Variants in ARHGAP44 observed in about 807,000 individuals in gnomAD.
The protein encoded by ARHGAP44 is Rho GTPase activating protein 44, also known as rho GTPase-activating protein 44.
A neutral mutation model predicts 106.8 loss-of-function variants in ARHGAP44; 43 were observed. That is an observed-to-expected ratio of 0.40 (90% CI 0.32 to 0.52). The LOEUF (loss-of-function observed/expected upper bound fraction) is 0.52. Among genes scored for constraint, ARHGAP44 ranks in the 20% least tolerant of loss-of-function variants. The pLI is 0.48. For synonymous variants in ARHGAP44, 439 were observed against 410.3 expected, an observed-to-expected ratio of 1.07 and a Z score of -0.85; for missense variants, 866 against 1,050.5, an observed-to-expected ratio of 0.82 and a Z score of 2.43.
chr17:12,835,359 T>A (rs2035206678), intron 1 of ARHGAP44, among the ~76,000 whole-genome samples: 1 of 152,132 alleles, frequency 6.6e-6, no homozygotes, highest in Non-Finnish European at 1.5e-5. Context: ...TCAAACAAGA[T>A]GACTAATAAG....
At chr17:12,925,616 T>C (rs891480333) in intron 6 of ARHGAP44, among the ~76,000 whole-genome samples, 7 of 152,188 alleles carry the variant, frequency 4.6e-5, no homozygotes, top group African/African-American at 1.4e-4. Context: ...TCCCAAGGCT[T>C]CATTAAAGCT....
At chr17:12,818,107 A>T (rs890986672) in intron 1 of ARHGAP44, among the ~76,000 whole-genome samples, 5 of 152,000 alleles carry the variant, frequency 3.3e-5, no homozygotes, top group Non-Finnish European at 7.4e-5. Flanking sequence ...TTCACAAATC[A>T]AATGCAGCAA....
chr17:12,854,721 G>C (rs995906229), intron 1 of ARHGAP44, among the ~76,000 whole-genome samples: 3 of 152,150 alleles, frequency 2.0e-5, no homozygotes, highest in African/African-American at 7.2e-5. Context: ...CACTTTGGAA[G>C]GCTGAGGCGG....
intron 9 of ARHGAP44, among the ~76,000 whole-genome samples, 166 bp from the exon 10 acceptor site, chr17:12,943,903 C>G (rs926879014): frequency 1.5e-4 from 23 of 152,112 alleles, no homozygotes; most frequent in Non-Finnish European, 2.8e-4. Flanking sequence ...TCCCCCACCC[C>G]CTCCTCCAGT....
At chr17:12,849,189 G>A (rs935975287) in intron 1 of ARHGAP44, among the ~76,000 whole-genome samples, 1 of 151,228 alleles carries the variant, frequency 6.6e-6, no homozygotes, top group African/African-American at 2.4e-5. Flanking sequence ...GGGTCTGCAC[G>A]CCAGAGATCT....
chr17:12,928,122 T>C (rs1732536798), intron 6 of ARHGAP44, among the ~76,000 whole-genome samples: 1 of 152,218 alleles, frequency 6.6e-6, no homozygotes, highest in Non-Finnish European at 1.5e-5. Context: ...CCTAAAGTTT[T>C]CTGAGTGACT....
At chr17:12,913,924 G>A (rs1451793112) in intron 4 of ARHGAP44, among the ~76,000 whole-genome samples, 3 of 131,970 alleles carry the variant, frequency 2.3e-5, no homozygotes, top group Non-Finnish European at 4.7e-5. Context: ...AGCCAAGTAC[G>A]CGTCACTGCA....
intron 7 of ARHGAP44, among the ~76,000 whole-genome samples, chr17:12,930,227 TTC>T (rs1035605963): frequency 1.3e-5 from 2 of 152,056 alleles, no homozygotes; most frequent in Non-Finnish European, 2.9e-5. Context: ...TTTTATTCTT[TTC>T]TCTCTCTCTC....
At chr17:12,831,323 A>G (rs1373412564) in intron 1 of ARHGAP44, among the ~76,000 whole-genome samples, 4 of 152,168 alleles carry the variant, frequency 2.6e-5, no homozygotes. Context: ...TTATTTTACC[A>G]AAATCTCCTG....
At chr17:12,830,213 T>G (rs1053754666) in intron 1 of ARHGAP44, among the ~76,000 whole-genome samples, 2 of 152,228 alleles carry the variant, frequency 1.3e-5, no homozygotes, top group African/African-American at 4.8e-5. Flanking sequence ...GATTGCTAAA[T>G]TATCTTAAGC....
At position 12,828,636 on chromosome 17, in the gene ARHGAP44, CTTTTT is replaced by C. The variant is rs34860101; in HGVS notation, c.53+38763_53+38767del. On this transcript the variant is annotated intron_variant, in intron 1 of 20. Coordinates refer to ENST00000379672, the MANE Select transcript of ARHGAP44 (RefSeq NM_014859.6). ...TTTTCTTTTGGATTTTTTTTTCTTT[CTTTTT>C]TTTTTTTTTTTTTTTTTAAAGACAG... Among the ~76,000 whole-genome samples, 66 of 93,234 alleles carry C rather than the reference CTTTTT, an allele frequency of 7.1e-4. 1 individual carries two copies. The East Asian group carries it at 0.019, about 28-fold the overall frequency. The allele number at this position is 93,234 out of a possible 152,430, so 61.2% of individuals were successfully genotyped here.
In ARHGAP44 at chr17:12,949,229, G is replaced by T; in HGVS notation, c.951G>T (p.Ser317=). The part of the protein sequence containing the change: ...DCCVVDVQEY[S]ADPHAIAGAL... Reference sequence around the variant, plus strand: ...GCGTGGTGGATGTGCAGGAGTACTCGGCAGACCCCCACGCAATTGCAGGTG... The same window carrying T: ...GCGTGGTGGATGTGCAGGAGTACTCTGCAGACCCCCACGCAATTGCAGGTG... Residue 317 remains serine (S), a synonymous_variant, in exon 11 of 21, where the codon TCG becomes TCT. Coordinates refer to ENST00000379672, the MANE Select transcript of ARHGAP44 (RefSeq NM_014859.6). This position sits in a 1 kb window ranked among gnomAD's most constrained non-coding sequence, Gnocchi z 4.1. The T allele has an allele frequency of 6.4e-7, 1 of 1,569,986 alleles. No homozygotes were observed.
chr17:12,971,013 A>G (rs1366525970), intron 16 of ARHGAP44, among the ~76,000 whole-genome samples: 2 of 152,224 alleles, frequency 1.3e-5, no homozygotes, highest in Admixed American at 1.3e-4. Flanking sequence ...CTGTTTGAAA[A>G]TGTCAGTGAA....
chr17:12,940,158 C>T (rs1008147415), intron 7 of ARHGAP44, among the ~76,000 whole-genome samples: 1 of 152,130 alleles, frequency 6.6e-6, no homozygotes, highest in African/African-American at 2.4e-5. Flanking sequence ...CATGTTTGCC[C>T]CAACCTGAAC....
At chr17:12,796,866 A>G (rs1407450686) in intron 1 of ARHGAP44, among the ~76,000 whole-genome samples, 1 of 151,878 alleles carries the variant, frequency 6.6e-6, no homozygotes, top group Non-Finnish European at 1.5e-5. Flanking sequence ...CAGCCTCCCA[A>G]AGTGCTGGGA....
intron 3 of ARHGAP44, among the ~76,000 whole-genome samples, chr17:12,896,811 T>C (rs565928126): frequency 1.5e-3 from 229 of 152,302 alleles, no homozygotes; most frequent in African/African-American, 5.3e-3. Context: ...AGATCCCACC[T>C]CTAGGGAAGC....
At chr17:12,956,051 C>T (rs1042466307) in intron 14 of ARHGAP44, 71 bp downstream of exon 14, 5 of 1,090,196 alleles carry the variant, frequency 4.6e-6, no homozygotes. Context: ...GTGGGCAGGA[C>T]AGCTGGGGCC....
At chr17:12,920,656 G>A (rs555091756) in intron 6 of ARHGAP44, among the ~76,000 whole-genome samples, 6 of 152,308 alleles carry the variant, frequency 3.9e-5, no homozygotes, top group African/African-American at 1.2e-4. Context: ...GTGAGAGCCA[G>A]GAGGTAGGAT....
At chr17:12,874,969 G>A (rs1037644250) in intron 1 of ARHGAP44, among the ~76,000 whole-genome samples, 1 of 147,574 alleles carries the variant, frequency 6.8e-6, no homozygotes, top group African/African-American at 2.5e-5. Flanking sequence ...CGGGGTGGGG[G>A]TGGGATGGAA....
Sources: allele counts gnomAD v4.1 joint callset (sites outside exome capture counted in the v4.1 genomes callset), GRCh38; gene constraint gnomAD v4.1.1; non-coding constraint Gnocchi (gnomAD v3.1); transcripts MANE v1.5; gene names NCBI Gene and HGNC (gene_info 2026-07-23, HGNC 2026-07-21).